The following P4HB variants were observed in gnomAD, a reference collection of about 807,000 sequenced individuals.
P4HB encodes protein disulfide-isomerase.
A neutral mutation model predicts 52.6 loss-of-function variants in P4HB; 20 were observed. That is an observed-to-expected ratio of 0.38 (90% CI 0.27 to 0.55). P4HB has a LOEUF of 0.55. Ranked by LOEUF, P4HB falls within the 20% of genes least tolerant of loss-of-function variation. The pLI, the probability that P4HB is intolerant of heterozygous loss-of-function variation, is 0.74. For missense variants in P4HB, 601 were observed against 669.2 expected (o/e 0.90, Z 1.12); for synonymous variants, 296 against 277.9 (o/e 1.07, Z -0.65).
At chr17:81,860,172 C>T (rs2143375085) in intron 1 of P4HB, 155 bp downstream of exon 1, 4 of 577,560 alleles carry the variant, frequency 6.9e-6, no homozygotes, top group East Asian at 3.6e-5. Flanking sequence ...CCCCAGGGAG[C>T]CCCTGACATG....
chr17:81,852,751 C>T (rs1472013229), intron 4 of P4HB, among the ~76,000 whole-genome samples: 4 of 152,242 alleles, frequency 2.6e-5, no homozygotes, highest in Non-Finnish European at 5.9e-5. Flanking sequence ...GCAAGAGCAA[C>T]GAAACCACCC....
At position 81,846,222 on chromosome 17, in the gene P4HB, A is replaced by C; in HGVS notation, c.1056+207T>G. 2.8e-6 allele frequency: 2 copies of C among 723,190 alleles called. No individual in the cohort carries two copies. Among genetic ancestry groups the C allele is most frequent in the South Asian group, 3.8e-5 (2 of 53,042 alleles). The allele number at this position is 723,190 out of a possible 1,614,324, so 44.8% of individuals were successfully genotyped here. On this transcript the variant is annotated intron_variant, in intron 7 of 10. Coordinates refer to ENST00000331483, the MANE Select transcript of P4HB (RefSeq NM_000918.4). The surrounding 1 kb of genome is among the most constrained non-coding windows in gnomAD (Gnocchi z 5.7). ...CGCCGGCCAGGAGGTTTCCCTGAGG[A>C]GCATCTGGGCCAGCCGTGTGGACAA...
intron 1 of P4HB, chr17:81,859,600 A>G: frequency 1.7e-6 from 1 of 576,228 alleles, no homozygotes; most frequent in Non-Finnish European, 3.1e-6. Context: ...ACTACCACCA[A>G]CCAACACCAG....
rs1287300355 is a variant in P4HB, at chr17:81,846,689, T to G, written c.856-60A>C. On this transcript the variant is annotated intron_variant, in intron 6 of 10. Coordinates refer to ENST00000331483, the MANE Select transcript of P4HB (RefSeq NM_000918.4). The surrounding 1 kb of genome is among the most constrained non-coding windows in gnomAD (Gnocchi z 5.7). ...GACGGCTGGCCTCTGCCTCCAGCCC[T>G]GACTTTGCTCGGAAGCAGACCGTGC... is the stretch of plus-strand genomic sequence containing the variant. 7 of 1,534,822 alleles carry G rather than the reference T, an allele frequency of 4.6e-6. No homozygotes were observed. The highest frequency in any genetic ancestry group is 6.3e-6 in the Non-Finnish European group (7 of 1,117,424).
At chr17:81,849,704 T>C (rs950290749) in intron 4 of P4HB, among the ~76,000 whole-genome samples, 1 of 152,176 alleles carries the variant, frequency 6.6e-6, no homozygotes, top group African/African-American at 2.4e-5. Flanking sequence ...AGCCTGCAGC[T>C]GAGGATGCGG....
In P4HB at chr17:81,855,067, G is replaced by A. The variant is rs1049538220; in HGVS notation, c.624+75C>T. 3.0e-5 allele frequency: 43 copies of A among 1,455,766 alleles called. No individual in the cohort carries two copies. The highest frequency in any genetic ancestry group is 1.2e-4 in the Admixed American group (7 of 58,770). 90.2% of individuals were successfully genotyped at this position (1,455,766 alleles called of 1,614,324 possible). On this transcript the variant is annotated intron_variant, in intron 4 of 10. Transcript: ENST00000331483. The surrounding 1 kb of genome is among the most constrained non-coding windows in gnomAD (Gnocchi z 4.3). ...GTGCCAGGAGCAAGGTTCCCTTAAC[G>A]ATAAGGAGAGCAACGCCACCCTCTG...
rs762888503 is a variant in P4HB, at chr17:81,846,000, C to A, written c.1057-9G>T. The A allele has an allele frequency of 6.2e-7, 1 of 1,602,300 alleles. No individual in the cohort carries two copies. Among genetic ancestry groups the A allele is most frequent in the East Asian group, 2.2e-5 (1 of 44,560 alleles). On this transcript the variant is annotated splice_polypyrimidine_tract_variant and intron_variant, in intron 7 of 10. Transcript: ENST00000331483. Reference sequence around the variant, plus strand: ...TGGCTCATCAGGTGGGGCTGGAGGGCAGGCAGGGCACGGTGAGGGGCGGCG... The same window carrying A: ...TGGCTCATCAGGTGGGGCTGGAGGGAAGGCAGGGCACGGTGAGGGGCGGCG...
intron 2 of P4HB, 122 bp downstream of exon 2, chr17:81,859,059 C>A: frequency 1.2e-6 from 1 of 819,202 alleles, no homozygotes. Flanking sequence ...GCCTGAGGAA[C>A]GGGATCCCTC....
chr17:81,853,587 G>GA (rs375882777), intron 4 of P4HB, among the ~76,000 whole-genome samples: 25 of 142,216 alleles, frequency 1.8e-4, no homozygotes, highest in South Asian at 2.2e-4. Flanking sequence ...AAAAGAAAAA[G>GA]AAAAAAAAAA....
Position 81,846,223 on chromosome 17 carries a change from G to A in P4HB, c.1056+206C>T. On this transcript the variant is annotated intron_variant, in intron 7 of 10. Coordinates refer to ENST00000331483, the MANE Select transcript of P4HB (RefSeq NM_000918.4). This position sits in a 1 kb window ranked among gnomAD's most constrained non-coding sequence, Gnocchi z 5.7. Reference sequence around the variant, plus strand: ...GCCGGCCAGGAGGTTTCCCTGAGGAGCATCTGGGCCAGCCGTGTGGACAAG... The same window carrying A: ...GCCGGCCAGGAGGTTTCCCTGAGGAACATCTGGGCCAGCCGTGTGGACAAG... 1 of 722,788 alleles carries A rather than the reference G, an allele frequency of 1.4e-6. No individual in the cohort carries two copies. Among genetic ancestry groups the A allele is most frequent in the Non-Finnish European group, 2.2e-6 (1 of 448,134 alleles). 44.8% of individuals were successfully genotyped at this position (722,788 alleles called of 1,614,324 possible).
rs1475492108 is a variant in P4HB at position 81,847,319 on chromosome 17, C to T, written c.653G>A (p.Gly218Glu). The T allele has an allele frequency of 6.2e-7, 1 of 1,614,122 alleles. No individual in the cohort carries two copies. The highest frequency in any genetic ancestry group is 1.7e-5 in the Admixed American group (1 of 60,028). ...CAGCAGGTTCTCCTTGGTGACCTCC[C>T]CTTCAAAGTTGTTCCGGCCTTCATC... is the stretch of plus-strand genomic sequence containing the variant. Reference protein sequence around the residue: ...KFDEGRNNFEGEVTKENLLDF... With the variant: ...KFDEGRNNFEEEVTKENLLDF... Residue 218 changes from glycine to glutamate, a missense_variant, in exon 5 of 11, where the codon GGG (glycine) becomes GAG (glutamate). By Grantham distance (98) the Gly-to-Glu change is moderately conservative (BLOSUM62 -2). Transcript: ENST00000331483.
At chr17:81,848,973 G>A (rs2038783834) in intron 4 of P4HB, among the ~76,000 whole-genome samples, 1 of 151,624 alleles carries the variant, frequency 6.6e-6, no homozygotes, top group African/African-American at 2.4e-5. Flanking sequence ...TTGAACCCGG[G>A]AGGCAGAGGT....
intron 4 of P4HB, chr17:81,847,785 T>C (rs2038760434): frequency 5.7e-6 from 1 of 175,590 alleles, no homozygotes; most frequent in Non-Finnish European, 1.2e-5. Context: ...TCAAGTGATT[T>C]TCCTGCCTTA....
At chr17:81,857,323 T>G (rs2143362383) in intron 2 of P4HB, among the ~76,000 whole-genome samples, 1 of 152,168 alleles carries the variant, frequency 6.6e-6, no homozygotes, top group Non-Finnish European at 1.5e-5. Context: ...AATTTTTGTA[T>G]TTTTAGTAGA....
chr17:81,849,754 T>C (rs2038798461), intron 4 of P4HB, among the ~76,000 whole-genome samples: 1 of 152,214 alleles, frequency 6.6e-6, no homozygotes, highest in South Asian at 2.1e-4. Flanking sequence ...GTGCTGAGGC[T>C]CTTCAAGTGA....
chr17:81,857,201 T>C (rs1367411000), intron 2 of P4HB, among the ~76,000 whole-genome samples: 1 of 152,094 alleles, frequency 6.6e-6, no homozygotes, highest in Non-Finnish European at 1.5e-5. Flanking sequence ...CAGGCTGGAG[T>C]GCGGTGGCAC....
intron 2 of P4HB, among the ~76,000 whole-genome samples, chr17:81,857,398 C>T (rs1469349764): frequency 6.6e-6 from 1 of 152,204 alleles, no homozygotes; most frequent in African/African-American, 2.4e-5. Flanking sequence ...ATCCACCCGT[C>T]TCAGCCTCCC....
At chr17:81,847,670 A>G in intron 4 of P4HB, 1 of 377,258 alleles carries the variant, frequency 2.7e-6, no homozygotes, top group Non-Finnish European at 5.0e-6. Flanking sequence ...CCATGTGGTC[A>G]AAGCTATTTT....
At chr17:81,845,846 G>A in intron 8 of P4HB, 25 bp downstream of exon 8, 1 of 1,614,022 alleles carries the variant, frequency 6.2e-7, no homozygotes, top group Non-Finnish European at 8.5e-7. Flanking sequence ...GCACGGACCT[G>A]GGGAGCTGAA....
Sources: allele counts gnomAD v4.1 joint callset (sites outside exome capture counted in the v4.1 genomes callset), GRCh38; gene constraint gnomAD v4.1.1; non-coding constraint Gnocchi (gnomAD v3.1); transcripts MANE v1.5; gene names NCBI Gene and HGNC (gene_info 2026-07-23, HGNC 2026-07-21).